CDH19: variants seen among roughly 807,000 people sequenced by gnomAD.
The protein encoded by CDH19 is cadherin-19.
A neutral mutation model predicts 64.2 loss-of-function variants in CDH19; 67 were observed. That is an observed-to-expected ratio of 1.04 (90% CI 0.86 to 1.28). The LOEUF (loss-of-function observed/expected upper bound fraction) is 1.28, where lower values mean the gene tolerates loss of function less well. CDH19 is among the 50% of genes most tolerant of loss of function. The pLI is 0.00. For synonymous variants in CDH19, 346 were observed against 319.3 expected (o/e 1.08, Z -0.89); for missense variants, 1,030 against 929.0 (o/e 1.11, Z -1.41).
At position 66,504,703 on chromosome 18, in the gene CDH19, C is replaced by A; in HGVS notation, c.*109G>T. The A allele has an allele frequency of 8.6e-7, 1 of 1,158,580 alleles. No individual in the cohort carries two copies. 71.8% of individuals were successfully genotyped at this position (1,158,580 alleles called of 1,614,324 possible). Reference sequence around the variant, plus strand: ...TTACTCCAGGGAAATCAGAAAACTCCATAGACTAGGGCTTTCCCCGCCATA... The same window carrying A: ...TTACTCCAGGGAAATCAGAAAACTCAATAGACTAGGGCTTTCCCCGCCATA... On this transcript the variant is annotated 3_prime_UTR_variant, in exon 12 of 12. Coordinates refer to ENST00000262150, the MANE Select transcript of CDH19 (RefSeq NM_021153.4).
intron 9 of CDH19, among the ~76,000 whole-genome samples, chr18:66,524,599 T>C (rs1986148151): frequency 6.9e-6 from 1 of 144,188 alleles, no homozygotes; most frequent in South Asian, 2.2e-4. Context: ...AAATATGTAC[T>C]ATCTGTATTT....
intron 3 of CDH19, among the ~76,000 whole-genome samples, chr18:66,565,637 A>G (rs1987881771): frequency 1.3e-5 from 2 of 151,964 alleles, no homozygotes; most frequent in Admixed American, 6.6e-5. Context: ...TAATACTGAG[A>G]TTGAGGAAAA....
chr18:66,528,392 G>A (rs1034414164), intron 9 of CDH19, among the ~76,000 whole-genome samples: 46 of 152,202 alleles, frequency 3.0e-4, no homozygotes, highest in Middle Eastern at 3.4e-3. Flanking sequence ...TTCTAAAATA[G>A]TTCAATTTTG....
intron 1 of CDH19, among the ~76,000 whole-genome samples, chr18:66,598,254 C>T (rs996146224): frequency 6.6e-6 from 1 of 152,092 alleles, no homozygotes; most frequent in Non-Finnish European, 1.5e-5. Flanking sequence ...TCTCAAAGAT[C>T]TTAGAACTAC....
intron 1 of CDH19, among the ~76,000 whole-genome samples, chr18:66,588,641 T>TATATATATATATATATATAC (rs1485058332): frequency 6.9e-6 from 1 of 145,162 alleles, no homozygotes; most frequent in Non-Finnish European, 1.5e-5. Context: ...TATATATAGA[T>TATATATATATATATATATAC]ACAGCTCAGA....
chr18:66,503,415 G>T lies in CDH19; in HGVS notation c.*1397C>A, dbSNP rs1444252743. On this transcript the variant is annotated 3_prime_UTR_variant, in exon 12 of 12. Coordinates refer to ENST00000262150, the MANE Select transcript of CDH19 (RefSeq NM_021153.4). Reference sequence around the variant, plus strand: ...AACAGAAAAGCAAATACTGAGAATTGTATCATGTTTTATCCCATGAATGGT... The same window carrying T: ...AACAGAAAAGCAAATACTGAGAATTTTATCATGTTTTATCCCATGAATGGT... 6.6e-6 allele frequency: 1 copy of T among 151,754 alleles called. No homozygotes were observed. Among genetic ancestry groups the T allele is most frequent in the Non-Finnish European group, 1.5e-5 (1 of 67,826 alleles). The allele number at this position is 151,754 out of a possible 1,614,324, so 9.4% of individuals were successfully genotyped here. A position where few individuals can be genotyped will look rare whatever the true frequency, so the allele number is the denominator to read the frequency against.
At chr18:66,518,466 T>C (rs1985836961) in intron 9 of CDH19, among the ~76,000 whole-genome samples, 1 of 152,058 alleles carries the variant, frequency 6.6e-6, no homozygotes, top group Admixed American at 6.6e-5. Flanking sequence ...ACTTCTGACC[T>C]CAGGTGATCC....
intron 1 of CDH19, among the ~76,000 whole-genome samples, chr18:66,599,760 GAA>G (rs972333125): frequency 3.3e-5 from 5 of 151,942 alleles, no homozygotes; most frequent in Non-Finnish European, 5.9e-5. Context: ...TTAATGGCAT[GAA>G]TATAGGATAA....
intron 9 of CDH19, among the ~76,000 whole-genome samples, chr18:66,528,002 T>C (rs1986291299): frequency 6.6e-6 from 1 of 151,538 alleles, no homozygotes; most frequent in South Asian, 2.1e-4. Context: ...ACCATAATTT[T>C]ATTTATAATA....
In CDH19 at chr18:66,602,445, A is replaced by C. The variant is rs566954174; in HGVS notation, c.-113+1509T>G. Among the ~76,000 whole-genome samples the C allele has an allele frequency of 1.1e-4, 16 of 152,082 alleles. No individual in the cohort carries two copies. The East Asian group carries it at 3.1e-3, about 29-fold the overall frequency. On this transcript the variant is annotated intron_variant, in intron 1 of 11. Coordinates refer to ENST00000262150, the MANE Select transcript of CDH19 (RefSeq NM_021153.4). ...TTTTAAAGCATCTTCAATTTATGATAATTTAATCAAAAATTTTTTTATGTT... is the reference window on the plus strand; with the variant it reads ...TTTTAAAGCATCTTCAATTTATGATCATTTAATCAAAAATTTTTTTATGTT...
intron 2 of CDH19, among the ~76,000 whole-genome samples, chr18:66,571,361 CA>C (rs1988097552): frequency 6.6e-6 from 1 of 151,604 alleles, no homozygotes; most frequent in Non-Finnish European, 1.5e-5. Context: ...AAACTTATTT[CA>C]GTTCATTTAT....
At chr18:66,578,137 G>A (rs1350757545) in intron 1 of CDH19, among the ~76,000 whole-genome samples, 1 of 151,864 alleles carries the variant, frequency 6.6e-6, no homozygotes, top group Non-Finnish European at 1.5e-5. Flanking sequence ...TTTGGTTTTA[G>A]GTGTGAAGAC....
chr18:66,590,855 A>T (rs969779777), intron 1 of CDH19, among the ~76,000 whole-genome samples: 26 of 152,010 alleles, frequency 1.7e-4, no homozygotes, highest in African/African-American at 5.8e-4. Flanking sequence ...ACTTCCTTGT[A>T]AGATGAAGGA....
chr18:66,545,524 T>C (rs1448081403), intron 5 of CDH19, among the ~76,000 whole-genome samples: 1 of 152,102 alleles, frequency 6.6e-6, no homozygotes, highest in Admixed American at 6.5e-5. Flanking sequence ...ATCTCTCAAA[T>C]ATATCTTAGG....
chr18:66,596,542 C>T (rs1045149679), intron 1 of CDH19, among the ~76,000 whole-genome samples: 3 of 152,010 alleles, frequency 2.0e-5, no homozygotes, highest in African/African-American at 7.2e-5. Flanking sequence ...AGACCACAAT[C>T]CCACTCAAAT....
chr18:66,564,942 T>C (rs953740334), intron 3 of CDH19, among the ~76,000 whole-genome samples: 1 of 151,796 alleles, frequency 6.6e-6, no homozygotes, highest in African/African-American at 2.4e-5. Context: ...ACATATTTGA[T>C]AGGCTGGCTA....
At chr18:66,517,301 T>C (rs1229324810) in intron 9 of CDH19, among the ~76,000 whole-genome samples, 2 of 152,004 alleles carry the variant, frequency 1.3e-5, no homozygotes, top group Non-Finnish European at 1.5e-5. Flanking sequence ...TAAATGTCTT[T>C]AGACAAAATA....
At chr18:66,572,999 GT>G (rs1428370104) in intron 1 of CDH19, among the ~76,000 whole-genome samples, 14 of 151,598 alleles carry the variant, frequency 9.2e-5, no homozygotes, top group Non-Finnish European at 1.2e-4. Flanking sequence ...ATGGGTGAAT[GT>G]TTGTAATATG....
At chr18:66,585,651 C>A (rs571679485) in intron 1 of CDH19, among the ~76,000 whole-genome samples, 24 of 152,140 alleles carry the variant, frequency 1.6e-4, no homozygotes, top group African/African-American at 5.5e-4. Flanking sequence ...CTAGTGATTT[C>A]TGCATTTCTC....
Sources: allele counts gnomAD v4.1 joint callset (sites outside exome capture counted in the v4.1 genomes callset), GRCh38; gene constraint gnomAD v4.1.1; transcripts MANE v1.5; gene names NCBI Gene and HGNC (gene_info 2026-07-23, HGNC 2026-07-21).